The following GRIK3 variants were observed in gnomAD, a reference collection of about 807,000 sequenced individuals.
GRIK3 encodes glutamate receptor ionotropic, kainate 3.
Under a neutral mutation model 102.5 loss-of-function variants are expected in GRIK3, and 29 were observed. The observed-to-expected ratio is 0.28, with a 90% CI of 0.21 to 0.39. The LOEUF is 0.39. Among genes scored for constraint, GRIK3 ranks in the 10% least tolerant of loss-of-function variants. The pLI is 1.00. For synonymous variants in GRIK3, 511 were observed against 504.9 expected (o/e 1.01, Z -0.16); for missense variants, 908 against 1,252.4 (o/e 0.73, Z 4.15).
At chr1:37,032,208 T>C (rs1000277517) in intron 1 of GRIK3, among the ~76,000 whole-genome samples, 1 of 152,142 alleles carries the variant, frequency 6.6e-6, no homozygotes, top group East Asian at 1.9e-4. Context: ...TAAGGATACA[T>C]CATCCTGCGC....
At chr1:37,001,559 G>C (rs1349263095) in intron 1 of GRIK3, among the ~76,000 whole-genome samples, 1 of 152,028 alleles carries the variant, frequency 6.6e-6, no homozygotes, top group African/African-American at 2.4e-5. Flanking sequence ...ACACCAAGCA[G>C]AGGCCTGGCC....
chr1:36,830,827 A>AAG (rs1553175218), intron 10 of GRIK3, among the ~76,000 whole-genome samples: 14 of 149,988 alleles, frequency 9.3e-5, no homozygotes, highest in African/African-American at 3.2e-4. Context: ...AAAAAAAAAA[A>AAG]AAAAAAAAAG....
chr1:36,872,461 ATGGCCACAGG>A lies in GRIK3; in HGVS notation c.551-102_551-93del, dbSNP rs769095173. The A allele has an allele frequency of 1.0e-4, 106 of 1,035,504 alleles. No individual in the cohort carries two copies. In the African/African-American group the frequency reaches 1.6e-3, roughly 16 times the overall value. The allele number at this position is 1,035,504 out of a possible 1,614,324, so 64.1% of individuals were successfully genotyped here. A position where few individuals can be genotyped will look rare whatever the true frequency, so the allele number is the denominator to read the frequency against. On this transcript the variant is annotated intron_variant, in intron 3 of 15. Coordinates refer to ENST00000373091, the MANE Select transcript of GRIK3 (RefSeq NM_000831.4). This position sits in a 1 kb window ranked among gnomAD's most constrained non-coding sequence, Gnocchi z 5.9. Reference sequence around the variant, plus strand: ...TGGACTTGTGTGCACACACATGCCCATGGCCACAGGTCTGCAGACATACACGGGCAGAAAC... The same window carrying A: ...TGGACTTGTGTGCACACACATGCCCATCTGCAGACATACACGGGCAGAAAC...
At chr1:36,919,338 A>AATTGT (rs1641441163) in intron 1 of GRIK3, among the ~76,000 whole-genome samples, 1 of 143,600 alleles carries the variant, frequency 7.0e-6, no homozygotes, top group African/African-American at 2.6e-5. Flanking sequence ...GCTTTTTTAA[A>AATTGT]ATTTTATTTT....
At chr1:36,984,234 C>A (rs1642280755) in intron 1 of GRIK3, among the ~76,000 whole-genome samples, 1 of 152,156 alleles carries the variant, frequency 6.6e-6, no homozygotes. Flanking sequence ...GACATCATAC[C>A]CAGGCACACT....
rs184456642 is a variant in GRIK3, at chr1:37,027,553, C to T, written c.115+6441G>A. ...CCCTGGAGGTCTCCCTAGCATCACC[C>T]TACACCCAGCCCTGTGCACAGACTC... On this transcript the variant is annotated intron_variant, in intron 1 of 15. Coordinates refer to ENST00000373091, the MANE Select transcript of GRIK3 (RefSeq NM_000831.4). Among the ~76,000 whole-genome samples, 29 of 152,304 alleles carry T rather than the reference C, an allele frequency of 1.9e-4. No individual in the cohort carries two copies. The East Asian group carries it at 4.6e-3, about 24-fold the overall frequency.
At chr1:37,024,656 T>C (rs535298387) in intron 1 of GRIK3, among the ~76,000 whole-genome samples, 97 of 148,796 alleles carry the variant, frequency 6.5e-4, no homozygotes, top group South Asian at 2.1e-3. Flanking sequence ...GGCAGGAGAA[T>C]TGCTTGAACC....
rs544736527 is a variant in GRIK3, at chr1:36,971,111, C to T, written c.115+62883G>A. Among the ~76,000 whole-genome samples, 17 of 152,352 alleles carry T rather than the reference C, an allele frequency of 1.1e-4. No homozygotes were observed. In the South Asian group the frequency reaches 3.3e-3, roughly 30 times the overall value. ...CCAGGACATGCTTAGTCTGGCTCTTCTGTGGCCCTTCCCTTGGAGAACCTC... is the reference window on the plus strand; with the variant it reads ...CCAGGACATGCTTAGTCTGGCTCTTTTGTGGCCCTTCCCTTGGAGAACCTC... On this transcript the variant is annotated intron_variant, in intron 1 of 15. Transcript: ENST00000373091.
intron 1 of GRIK3, among the ~76,000 whole-genome samples, chr1:36,924,349 G>C (rs1052076277): frequency 6.6e-6 from 1 of 152,186 alleles, no homozygotes; most frequent in African/African-American, 2.4e-5. Context: ...AGCAGGGCCT[G>C]GTGCTGTGCA....
chr1:36,851,172 TAATC>T (rs1279791800), intron 8 of GRIK3, among the ~76,000 whole-genome samples: 1 of 151,146 alleles, frequency 6.6e-6, no homozygotes, highest in African/African-American at 2.5e-5. Context: ...TCAGGACACT[TAATC>T]AATTAAACAG....
intron 1 of GRIK3, among the ~76,000 whole-genome samples, chr1:37,011,651 T>G (rs1642597585): frequency 6.6e-6 from 1 of 152,198 alleles, no homozygotes; most frequent in Admixed American, 6.5e-5. Context: ...GGGTAAAAGT[T>G]AACTTCAAAC....
rs1337256527 is a variant in GRIK3, at chr1:36,801,152, A to G, written c.*699T>C. 6.6e-6 allele frequency: 1 copy of G among 152,248 alleles called. No homozygotes were observed. Among genetic ancestry groups the G allele is most frequent in the African/African-American group, 2.4e-5 (1 of 41,444 alleles). 9.4% of individuals were successfully genotyped at this position (152,248 alleles called of 1,614,324 possible). A position where few individuals can be genotyped will look rare whatever the true frequency, so the allele number is the denominator to read the frequency against. ...GAGACCTCCTAGAGGATTAGGAACC[A>G]CTGGGTCATTGTCCATAAGAATCCA... is the stretch of plus-strand genomic sequence containing the variant. On this transcript the variant is annotated 3_prime_UTR_variant, in exon 16 of 16. Coordinates refer to ENST00000373091, the MANE Select transcript of GRIK3 (RefSeq NM_000831.4).
rs763214417 is a variant in GRIK3, at chr1:36,859,879, G to T, written c.925C>A (p.Arg309=). The T allele has an allele frequency of 1.2e-6, 2 of 1,613,700 alleles. No individual in the cohort carries two copies. Among genetic ancestry groups the T allele is most frequent in the Admixed American group, 1.7e-5 (1 of 60,008 alleles). ...CCATCCAGCAGGCCAGACTCGGACC[G>T]GGGAGCTGCCTGCAGCCGCTCCATG... ...WSMERLQAAP[R]SESGLLDGVM... Residue 309 remains arginine (R), a synonymous_variant, in exon 6 of 16, where the codon CGG becomes AGG. Transcript: ENST00000373091.
intron 3 of GRIK3, among the ~76,000 whole-genome samples, chr1:36,876,988 A>G (rs1234267997): frequency 1.3e-5 from 2 of 152,250 alleles, no homozygotes; most frequent in Non-Finnish European, 1.5e-5. Context: ...AGATGTTGCT[A>G]TCCTATCTCC....
chr1:36,893,105 G>T (rs1453467696), intron 1 of GRIK3, among the ~76,000 whole-genome samples: 4 of 152,058 alleles, frequency 2.6e-5, no homozygotes, highest in Non-Finnish European at 5.9e-5. Context: ...AGAAAATATA[G>T]GTGAATATTT....
chr1:36,841,805 C>T lies in GRIK3; in HGVS notation c.1461G>A (p.Glu487=). ...LGFSYEIRLV[E]DGKYGAQDDK... ...CATCCTGTGCCCCGTACTTGCCGTC[C>T]TCCACCAGCCGGATCTCATAGGAGA... is the stretch of plus-strand genomic sequence containing the variant. The change falls in exon 10 of 16, where the codon GAG becomes GAA. Residue 487 remains glutamate, a synonymous_variant. Transcript: ENST00000373091. 6.2e-7 allele frequency: 1 copy of T among 1,614,232 alleles called. No homozygotes were observed. Among genetic ancestry groups the T allele is most frequent in the South Asian group, 1.1e-5 (1 of 91,086 alleles).
intron 1 of GRIK3, among the ~76,000 whole-genome samples, chr1:36,936,955 G>T (rs1470599000): frequency 1.3e-5 from 2 of 152,294 alleles, no homozygotes; most frequent in African/African-American, 4.8e-5. Flanking sequence ...AACAGGTGCG[G>T]GGGGTAGGAT....
chr1:36,874,669 C>T (rs759396867), intron 3 of GRIK3, among the ~76,000 whole-genome samples: 18 of 152,192 alleles, frequency 1.2e-4, no homozygotes, highest in Admixed American at 2.6e-4. Context: ...CCAGGGTGCA[C>T]AGTTTGCTCC....
intron 1 of GRIK3, among the ~76,000 whole-genome samples, chr1:36,988,250 C>A (rs1190645203): frequency 6.6e-6 from 1 of 152,140 alleles, no homozygotes; most frequent in Non-Finnish European, 1.5e-5. Context: ...GAGGTCGCAC[C>A]ACTGCACCCC....
Sources: gnomAD v4.1 joint callset for allele counts (sites outside exome capture counted in the v4.1 genomes callset) on GRCh38, gnomAD v4.1.1 for gene constraint, Gnocchi (gnomAD v3.1) non-coding constraint, MANE v1.5 for transcripts, NCBI Gene and HGNC (gene_info 2026-07-23, HGNC 2026-07-21) for gene names.